ITGBL1: variants seen among roughly 807,000 people sequenced by gnomAD.
ITGBL1 encodes integrin subunit beta like 1.
In ITGBL1, 51 loss-of-function variants were observed where a neutral mutation model predicts 68.5. That is an observed-to-expected ratio of 0.74 (90% CI 0.59 to 0.94). The LOEUF (loss-of-function observed/expected upper bound fraction) is 0.94. Among genes scored for constraint, ITGBL1 ranks in the 40% least tolerant of loss-of-function variants. The pLI is 0.00. For synonymous variants in ITGBL1, 209 were observed against 227.3 expected, an observed-to-expected ratio of 0.92 and a Z score of 0.72; for missense variants, 649 against 647.4, an observed-to-expected ratio of 1.00 and a Z score of -0.03.
intron 7 of ITGBL1, among the ~76,000 whole-genome samples, chr13:101,641,127 C>T (rs1164375554): frequency 6.6e-6 from 1 of 152,076 alleles, no homozygotes; most frequent in Non-Finnish European, 1.5e-5. Context: ...AATTAGGATG[C>T]AAACATGCTG....
intron 2 of ITGBL1, among the ~76,000 whole-genome samples, chr13:101,560,753 T>C (rs1349115998): frequency 1.3e-5 from 2 of 152,210 alleles, no homozygotes; most frequent in Non-Finnish European, 1.5e-5. Flanking sequence ...ACTCAAATTA[T>C]CCTTTTTTTG....
intron 7 of ITGBL1, among the ~76,000 whole-genome samples, chr13:101,664,400 A>G (rs1397111133): frequency 2.0e-5 from 3 of 152,202 alleles, no homozygotes; most frequent in African/African-American, 7.2e-5. Flanking sequence ...ATTTACAGGT[A>G]TCCTGAGAGA....
intron 7 of ITGBL1, among the ~76,000 whole-genome samples, chr13:101,601,914 A>G (rs1433250286): frequency 1.3e-5 from 2 of 152,232 alleles, no homozygotes; most frequent in East Asian, 3.9e-4. Context: ...TTAATTTAAA[A>G]AACAGCTGAG....
rs937290119 is a variant in ITGBL1 at position 101,707,034 on chromosome 13, A to C, written c.1279+132A>C. The C allele has an allele frequency of 4.8e-6, 4 of 836,756 alleles. No homozygotes were observed. In the Admixed American group the frequency reaches 8.3e-5, roughly 17 times the overall value. 51.8% of individuals were successfully genotyped at this position (836,756 alleles called of 1,614,324 possible). ...ACCACTATGTCCTCTGCTGTCCCCA[A>C]CTTGAAGCTTGAAGATTAACCAAAT... On this transcript the variant is annotated intron_variant, in intron 9 of 10. Transcript: ENST00000376180.
chr13:101,624,888 A>G (rs1399910773), intron 7 of ITGBL1, among the ~76,000 whole-genome samples: 2 of 152,194 alleles, frequency 1.3e-5, no homozygotes, highest in African/African-American at 4.8e-5. Context: ...TTTTTATAGT[A>G]ATAAAATACA....
intron 6 of ITGBL1, among the ~76,000 whole-genome samples, chr13:101,597,095 G>A (rs866520947): frequency 2.6e-5 from 4 of 152,202 alleles, no homozygotes; most frequent in Non-Finnish European, 2.9e-5. Flanking sequence ...GTCAATGTAC[G>A]CTCATCAGTT....
chr13:101,537,008 T>A, intron 2 of ITGBL1, among the ~76,000 whole-genome samples: 1 of 151,738 alleles, frequency 6.6e-6, no homozygotes, highest in East Asian at 1.9e-4. Context: ...CTTATCTACA[T>A]TTTAAAATAA....
At chr13:101,568,131 C>A (rs1300073935) in intron 3 of ITGBL1, among the ~76,000 whole-genome samples, 1 of 152,074 alleles carries the variant, frequency 6.6e-6, no homozygotes, top group African/African-American at 2.4e-5. Flanking sequence ...ATATTGAATA[C>A]CGGATTACAT....
intron 2 of ITGBL1, among the ~76,000 whole-genome samples, chr13:101,530,525 C>T (rs375873288): frequency 2.0e-4 from 31 of 152,158 alleles, no homozygotes; most frequent in African/African-American, 7.5e-4. Context: ...CCCAGCCCTT[C>T]CCTTTTGGTG....
chr13:101,626,003 C>T (rs977101405), intron 7 of ITGBL1, among the ~76,000 whole-genome samples: 3 of 152,156 alleles, frequency 2.0e-5, no homozygotes, highest in Non-Finnish European at 4.4e-5. Context: ...AAGGGAATGG[C>T]TTGGATCTGA....
chr13:101,712,109 T>G (rs2034497245), intron 9 of ITGBL1: 1 of 152,182 alleles, frequency 6.6e-6, no homozygotes, highest in South Asian at 2.1e-4. Context: ...CTATAATAGG[T>G]CCTAATAACT....
intron 7 of ITGBL1, among the ~76,000 whole-genome samples, chr13:101,672,247 T>C (rs1215843097): frequency 6.6e-6 from 1 of 152,208 alleles, no homozygotes; most frequent in East Asian, 1.9e-4. Flanking sequence ...TTTCTTAGTT[T>C]TTATTATCTA....
At chr13:101,564,141 G>T (rs2050143493) in intron 2 of ITGBL1, among the ~76,000 whole-genome samples, 1 of 151,792 alleles carries the variant, frequency 6.6e-6, no homozygotes, top group African/African-American at 2.4e-5. Flanking sequence ...TCAACATACT[G>T]ATTCTAGACT....
At chr13:101,525,043 T>C (rs7327264) in intron 2 of ITGBL1, among the ~76,000 whole-genome samples, 112,608 of 151,978 alleles carry the variant, frequency 0.74, 41,738 homozygotes, top group South Asian at 0.79. Flanking sequence ...TTGTAGTGCT[T>C]GTCCAAGCTT....
At chr13:101,532,824 C>T (rs1005981669) in intron 2 of ITGBL1, among the ~76,000 whole-genome samples, 3 of 152,188 alleles carry the variant, frequency 2.0e-5, no homozygotes, top group African/African-American at 7.2e-5. Flanking sequence ...TAGGTCCCAA[C>T]TCCTAATATT....
At chr13:101,593,902 A>G (rs867352235) in intron 6 of ITGBL1, among the ~76,000 whole-genome samples, 44 of 152,222 alleles carry the variant, frequency 2.9e-4, no homozygotes, top group Middle Eastern at 6.8e-3. Context: ...AAATAATTAG[A>G]TAAGCTTTTG....
chr13:101,458,898 C>A (rs2048281523), intron 2 of ITGBL1, among the ~76,000 whole-genome samples: 1 of 152,078 alleles, frequency 6.6e-6, no homozygotes, highest in South Asian at 2.1e-4. Context: ...AGTAGAGAAC[C>A]AATGGGGAGG....
chr13:101,686,338 A>G (rs926990769), intron 7 of ITGBL1, among the ~76,000 whole-genome samples: 8 of 151,946 alleles, frequency 5.3e-5, no homozygotes, highest in African/African-American at 1.9e-4. Context: ...ATATAAAGAG[A>G]AAAAAATAAT....
At chr13:101,681,807 T>G (rs2033649793) in intron 7 of ITGBL1, among the ~76,000 whole-genome samples, 1 of 152,102 alleles carries the variant, frequency 6.6e-6, no homozygotes, top group East Asian at 1.9e-4. Flanking sequence ...TGTGTGTGGG[T>G]GTGCGCATGT....
Sources: allele counts gnomAD v4.1 joint callset (sites outside exome capture counted in the v4.1 genomes callset), GRCh38; gene constraint gnomAD v4.1.1; transcripts MANE v1.5; gene names NCBI Gene and HGNC (gene_info 2026-07-23, HGNC 2026-07-21).